Variants in MAP4K4 observed in about 807,000 individuals in gnomAD.
MAP4K4 encodes mitogen-activated protein kinase kinase kinase kinase 4.
MAP4K4 carries 38 observed loss-of-function variants against 189.6 expected under a neutral mutation model. The observed-to-expected ratio is 0.20, with a 90% CI of 0.15 to 0.26. The LOEUF (loss-of-function observed/expected upper bound fraction) is 0.26, where lower values mean the gene tolerates loss of function less well. Ranked by LOEUF, MAP4K4 falls within the 10% of genes least tolerant of loss-of-function variation. The pLI is 1.00. For synonymous variants in MAP4K4, 610 were observed against 624.3 expected, an observed-to-expected ratio of 0.98 and a Z score of 0.34; for missense variants, 1,054 against 1,726.9, an observed-to-expected ratio of 0.61 and a Z score of 6.91.
At position 101,886,603 on chromosome 2, in the gene MAP4K4, G is replaced by T. The variant is rs1268026834; in HGVS notation, c.3622-485G>T. ...GAGATTTGGAACATATCTTCTGGAA[G>T]AAGTGTCTTCTAGATGCTAATTAAC... On this transcript the variant is annotated intron_variant, in intron 29 of 32. Transcript: ENST00000324219. Among the ~76,000 whole-genome samples the T allele has an allele frequency of 2.6e-5, 4 of 152,332 alleles. No individual in the cohort carries two copies. In the East Asian group the frequency reaches 5.8e-4, roughly 22 times the overall value.
rs146915620 is a variant in MAP4K4 at position 101,872,633 on chromosome 2, A to T, written c.2952+948A>T. On this transcript the variant is annotated intron_variant, in intron 24 of 32. Coordinates refer to ENST00000324219, the Ensembl canonical transcript of MAP4K4. ...CAGTGGCAAGTCAACTGCTTCCTAG[A>T]CAGGCTTGGCATCGGCTAGACTGGC... Among the ~76,000 whole-genome samples the T allele has an allele frequency of 1.1e-3, 165 of 152,216 alleles. 1 individual carries two copies. Among genetic ancestry groups the T allele is most frequent in the African/African-American group, 3.8e-3 (156 of 41,554 alleles).
At chr2:101,740,051 A>C (rs2061934861) in intron 2 of MAP4K4, among the ~76,000 whole-genome samples, 2 of 152,086 alleles carry the variant, frequency 1.3e-5, no homozygotes, top group African/African-American at 4.8e-5. Context: ...CATAGGCCCC[A>C]GGGATGCAGA....
At chr2:101,779,644 AT>A in intron 2 of MAP4K4, among the ~76,000 whole-genome samples, 1 of 151,740 alleles carries the variant, frequency 6.6e-6, no homozygotes, top group Non-Finnish European at 1.5e-5. Flanking sequence ...TTTTCTTTTA[AT>A]TTTGTCAAGA....
chr2:101,747,918 C>T (rs922336475), intron 2 of MAP4K4, among the ~76,000 whole-genome samples: 1 of 152,196 alleles, frequency 6.6e-6, no homozygotes, highest in Non-Finnish European at 1.5e-5. Context: ...TGAAGAAATG[C>T]TCTGTAGGTG....
chr2:101,704,210 T>C (rs191616347), intron 2 of MAP4K4, among the ~76,000 whole-genome samples: 17 of 152,228 alleles, frequency 1.1e-4, no homozygotes, highest in Non-Finnish European at 2.1e-4. Context: ...GATCTGCCAC[T>C]GAGAGGCATG....
chr2:101,853,225 T>C (rs542487201), intron 12 of MAP4K4, among the ~76,000 whole-genome samples: 1 of 152,300 alleles, frequency 6.6e-6, no homozygotes, highest in East Asian at 1.9e-4. Flanking sequence ...CAGCCAAGAT[T>C]ACCAGACACT....
chr2:101,877,118 G>A, exon 27 of MAP4K4: 7 of 1,613,970 alleles, frequency 4.3e-6, no homozygotes, highest in Non-Finnish European at 5.9e-6. Flanking sequence ...ACGTACTTGA[G>A]GGCTTGAATG....
Position 101,839,812 on chromosome 2 carries a change from C to T in MAP4K4, c.774-7C>T. The T allele has an allele frequency of 6.4e-7, 1 of 1,569,798 alleles. No homozygotes were observed. The highest frequency in any genetic ancestry group is 8.6e-7 in the Non-Finnish European group (1 of 1,163,656). ...GGAAATTTGATGATCTTTTTCACTTCTTACAGGTCGAAGAAGTTTTTTAGT... is the reference window on the plus strand; with the variant it reads ...GGAAATTTGATGATCTTTTTCACTTTTTACAGGTCGAAGAAGTTTTTTAGT... On this transcript the variant is annotated splice_region_variant and splice_polypyrimidine_tract_variant and intron_variant, in intron 9 of 32. Coordinates refer to ENST00000324219, the Ensembl canonical transcript of MAP4K4.
chr2:101,881,676 TC>T (rs1248530129), intron 27 of MAP4K4, among the ~76,000 whole-genome samples: 3 of 152,230 alleles, frequency 2.0e-5, no homozygotes. Flanking sequence ...GGTAGATGTT[TC>T]TTGTCAAATT....
intron 29 of MAP4K4, among the ~76,000 whole-genome samples, chr2:101,886,273 G>A (rs531318283): frequency 2.0e-5 from 3 of 152,160 alleles, no homozygotes; most frequent in South Asian, 2.1e-4. Flanking sequence ...TCGTAGTCTC[G>A]TGAACTGTGG....
intron 3 of MAP4K4, among the ~76,000 whole-genome samples, chr2:101,809,029 G>A (rs1227386094): frequency 6.6e-6 from 1 of 152,140 alleles, no homozygotes; most frequent in African/African-American, 2.4e-5. Flanking sequence ...ATGTGTGGCT[G>A]CGTTTAGTTT....
intron 2 of MAP4K4, among the ~76,000 whole-genome samples, chr2:101,715,731 C>G (rs1478059794): frequency 6.6e-6 from 1 of 152,106 alleles, no homozygotes; most frequent in East Asian, 1.9e-4. Flanking sequence ...TACATAGGGT[C>G]TTCTAATCCA....
At chr2:101,811,170 G>A (rs1276561081) in intron 3 of MAP4K4, among the ~76,000 whole-genome samples, 1 of 151,762 alleles carries the variant, frequency 6.6e-6, no homozygotes, top group Admixed American at 6.6e-5. Flanking sequence ...TCAAGAGATC[G>A]AGGCCATCCT....
chr2:101,886,231 A>G (rs183186086), intron 29 of MAP4K4, among the ~76,000 whole-genome samples: 2 of 152,326 alleles, frequency 1.3e-5, no homozygotes, highest in African/African-American at 4.8e-5. Context: ...GGTTTTATAC[A>G]TATTACCTTA....
chr2:101,816,680 C>T (rs1380670361), intron 3 of MAP4K4, among the ~76,000 whole-genome samples: 2 of 152,066 alleles, frequency 1.3e-5, no homozygotes, highest in African/African-American at 4.8e-5. Flanking sequence ...TGGAAAGAGC[C>T]GATACTAAGA....
intron 2 of MAP4K4, among the ~76,000 whole-genome samples, chr2:101,753,703 G>C (rs1432909210): frequency 6.6e-6 from 1 of 151,312 alleles, no homozygotes; most frequent in African/African-American, 2.4e-5. Context: ...AACCTTTCCA[G>C]GCTTTAGTCT....
chr2:101,760,717 T>C (rs188532693), intron 2 of MAP4K4, among the ~76,000 whole-genome samples: 189 of 151,990 alleles, frequency 1.2e-3, no homozygotes, highest in Non-Finnish European at 2.3e-3. Context: ...TATAAGAAAA[T>C]TGTTGGCCCG....
chr2:101,870,092 A>C (rs2097938630), intron 22 of MAP4K4: 2 of 634,366 alleles, frequency 3.2e-6, no homozygotes, highest in Non-Finnish European at 5.3e-6. Context: ...ATAATTATTC[A>C]TTCTAAGTTT....
chr2:101,779,467 T>C (rs1238122812), intron 2 of MAP4K4, among the ~76,000 whole-genome samples: 1 of 152,150 alleles, frequency 6.6e-6, no homozygotes, highest in Non-Finnish European at 1.5e-5. Context: ...CGATGATGGG[T>C]TGAGTGTACA....
Sources: allele counts gnomAD v4.1 joint callset (sites outside exome capture counted in the v4.1 genomes callset), GRCh38; gene constraint gnomAD v4.1.1; transcripts MANE v1.5; gene names NCBI Gene and HGNC (gene_info 2026-07-23, HGNC 2026-07-21).